XRCC4: variants seen among roughly 807,000 people sequenced by gnomAD.
XRCC4 encodes DNA repair protein XRCC4.
In XRCC4, 28 loss-of-function variants were observed where a neutral mutation model predicts 39.1. That is an observed-to-expected ratio of 0.72 (90% CI 0.53 to 0.98). The LOEUF is 0.98. XRCC4 is among the 50% of genes least tolerant of loss of function. The probability of loss-of-function intolerance (pLI) is 0.00; values close to 1 mark genes in which losing one functional copy is unlikely to be tolerated. For synonymous variants in XRCC4, 123 were observed against 126.4 expected (o/e 0.97, Z 0.18); for missense variants, 350 against 376.4 (o/e 0.93, Z 0.58).
the XRCC4 span, among the ~76,000 whole-genome samples, chr5:83,370,967 A>G: frequency 6.6e-6 from 1 of 152,134 alleles, no homozygotes; most frequent in Non-Finnish European, 1.5e-5. Flanking sequence ...TCAGTAAAAT[A>G]AGTCCAGTCT....
intron 1 of XRCC4, among the ~76,000 whole-genome samples, chr5:83,078,151 C>A (rs1284931861): frequency 6.6e-6 from 1 of 152,178 alleles, no homozygotes; most frequent in African/African-American, 2.4e-5. Flanking sequence ...TTAAAGAGAT[C>A]AACTGGCAAG....
Position 83,203,571 on chromosome 5 carries a change from G to T in XRCC4, c.502G>T (p.Ala168Ser), listed in dbSNP as rs779863147. 3.1e-6 allele frequency: 5 copies of T among 1,594,486 alleles called. No individual in the cohort carries two copies. The highest frequency in any genetic ancestry group is 1.7e-6 in the Non-Finnish European group (2 of 1,174,454). Residue 168 changes from alanine to serine, a missense_variant, in exon 5 of 8, where the codon GCT becomes TCT. Physicochemically the swap from Ala to Ser is moderately conservative, Grantham distance 99 (BLOSUM62 1). Coordinates refer to ENST00000396027, the MANE Select transcript of XRCC4 (RefSeq NM_003401.5). ...VQGRFEKCVS[A>S]KEALETDLYK... The stretch of plus-strand genomic sequence containing the variant: ...TTTTAGATTTGAAAAATGTGTGAGT[G>T]CTAAGGAAGCTTTGGAGACTGATCT...
chr5:83,142,461 A>G (rs1748228151), intron 3 of XRCC4, among the ~76,000 whole-genome samples: 1 of 152,220 alleles, frequency 6.6e-6, no homozygotes, highest in South Asian at 2.1e-4. Flanking sequence ...CATGTCTTTT[A>G]CTTTTGTACT....
the XRCC4 span, among the ~76,000 whole-genome samples, chr5:83,368,024 T>A: frequency 6.6e-6 from 1 of 151,382 alleles, no homozygotes; most frequent in African/African-American, 2.4e-5. Context: ...ACACTGTTTT[T>A]AAAACAGGCT....
At chr5:83,172,703 A>T (rs1749783537) in intron 3 of XRCC4, among the ~76,000 whole-genome samples, 1 of 152,182 alleles carries the variant, frequency 6.6e-6, no homozygotes, top group Non-Finnish European at 1.5e-5. Flanking sequence ...CTCATGTTAA[A>T]AAGAATCATA....
In XRCC4 at chr5:83,087,828, A is replaced by C. The variant is rs1580198536; in HGVS notation, c.-11+10213A>C. Among the ~76,000 whole-genome samples the C allele has an allele frequency of 6.6e-5, 10 of 152,160 alleles. No individual in the cohort carries two copies. In the South Asian group the frequency reaches 2.1e-3, roughly 31 times the overall value. ...TCTTCTTTATTTGGTTTGGAGCTAC[A>C]TGCCTTGTTAAAATGAAAAGCATGT... On this transcript the variant is annotated intron_variant, in intron 1 of 7. Transcript: ENST00000396027.
At chr5:83,221,215 T>C (rs28360174) in intron 6 of XRCC4, among the ~76,000 whole-genome samples, 272 of 152,304 alleles carry the variant, frequency 1.8e-3, no homozygotes, top group African/African-American at 6.3e-3. Flanking sequence ...TATTATGGCA[T>C]CACTACCACA....
chr5:83,088,347 G>A (rs951649244), intron 1 of XRCC4, among the ~76,000 whole-genome samples: 5 of 152,144 alleles, frequency 3.3e-5, no homozygotes, highest in African/African-American at 1.2e-4. Context: ...TGGAGAGAAA[G>A]TGTCATTACT....
At chr5:83,304,194 T>C (rs1215891912) in intron 7 of XRCC4, among the ~76,000 whole-genome samples, 1 of 150,092 alleles carries the variant, frequency 6.7e-6, no homozygotes, top group Non-Finnish European at 1.5e-5. Flanking sequence ...TTTTTTTTTT[T>C]TTTGAGACGG....
chr5:83,234,595 C>T (rs1752618181), intron 6 of XRCC4, among the ~76,000 whole-genome samples: 1 of 151,950 alleles, frequency 6.6e-6, no homozygotes, highest in South Asian at 2.1e-4. Context: ...CTATAGTATT[C>T]GATAATTCTG....
intron 7 of XRCC4, among the ~76,000 whole-genome samples, chr5:83,270,722 C>T (rs535185911): frequency 2.0e-5 from 3 of 151,380 alleles, no homozygotes; most frequent in African/African-American, 7.3e-5. Context: ...GCCCCTGCAT[C>T]ATCCTGAAAC....
At chr5:83,289,400 T>G (rs1754838973) in intron 7 of XRCC4, among the ~76,000 whole-genome samples, 1 of 152,022 alleles carries the variant, frequency 6.6e-6, no homozygotes, top group Non-Finnish European at 1.5e-5. Flanking sequence ...AGTGTGAAGA[T>G]GTTCATTTGG....
chr5:83,292,798 ATAATT>A (rs1754963858), intron 7 of XRCC4, among the ~76,000 whole-genome samples: 1 of 151,898 alleles, frequency 6.6e-6, no homozygotes, highest in Non-Finnish European at 1.5e-5. Context: ...TTATAAATTC[ATAATT>A]TAATCAGATA....
At chr5:83,144,071 C>T (rs558926627) in intron 3 of XRCC4, among the ~76,000 whole-genome samples, 16 of 152,180 alleles carry the variant, frequency 1.1e-4, no homozygotes, top group African/African-American at 3.9e-4. Flanking sequence ...TTCCCCCCTT[C>T]TGAGTCTCAG....
intron 3 of XRCC4, among the ~76,000 whole-genome samples, chr5:83,130,379 A>G (rs535298797): frequency 1.5e-3 from 221 of 152,256 alleles, no homozygotes; most frequent in Middle Eastern, 6.8e-3. Context: ...CCAGTATTTT[A>G]TTGAGGATTT....
Position 83,144,365 on chromosome 5 carries a change from G to A in XRCC4, c.315+33162G>A, listed in dbSNP as rs10073287. Among the ~76,000 whole-genome samples the A allele has an allele frequency of 3.2e-3, 486 of 150,042 alleles. 1 individual carries two copies. Among genetic ancestry groups the A allele is most frequent in the African/African-American group, 0.011 (464 of 40,986 alleles). Reference sequence around the variant, plus strand: ...TGAACTAATTTGATCAAGTTTGTAAGGATATTTGAAGTTTTGTCAGGGTGA... The same window carrying A: ...TGAACTAATTTGATCAAGTTTGTAAAGATATTTGAAGTTTTGTCAGGGTGA... On this transcript the variant is annotated intron_variant, in intron 3 of 7. Transcript: ENST00000396027.
At chr5:83,206,699 T>C (rs1171431406) in intron 6 of XRCC4, among the ~76,000 whole-genome samples, 3 of 152,136 alleles carry the variant, frequency 2.0e-5, no homozygotes, top group African/African-American at 7.2e-5. Context: ...AAAGAATATG[T>C]TTGTATACTG....
At chr5:83,287,576 A>C (rs1255532456) in intron 7 of XRCC4, among the ~76,000 whole-genome samples, 1 of 151,984 alleles carries the variant, frequency 6.6e-6, no homozygotes, top group Non-Finnish European at 1.5e-5. Context: ...TAAAATCTTC[A>C]TGATACATTT....
chr5:83,323,677 G>A (rs1756151817), intron 7 of XRCC4, among the ~76,000 whole-genome samples: 2 of 151,850 alleles, frequency 1.3e-5, no homozygotes, highest in East Asian at 3.9e-4. Flanking sequence ...GTTCTCTTGT[G>A]AGAGTTGAAC....
Sources: allele counts gnomAD v4.1 joint callset (sites outside exome capture counted in the v4.1 genomes callset), GRCh38; gene constraint gnomAD v4.1.1; transcripts MANE v1.5; gene names NCBI Gene and HGNC (gene_info 2026-07-23, HGNC 2026-07-21).